The following NOP14 variants were observed in gnomAD, a reference collection of about 807,000 sequenced individuals.
NOP14 encodes the protein nucleolar protein 14.
NOP14 carries 57 observed loss-of-function variants against 101.6 expected under a neutral mutation model. That is an observed-to-expected ratio of 0.56 (90% CI 0.45 to 0.70). NOP14 has a LOEUF of 0.70. Among genes scored for constraint, NOP14 ranks in the 30% least tolerant of loss-of-function variants. NOP14 has a pLI of 0.00. For synonymous variants in NOP14, 428 were observed against 424.0 expected (o/e 1.01, Z -0.12); for missense variants, 1,134 against 1,075.5 (o/e 1.05, Z -0.76).
intron 1 of NOP14, among the ~76,000 whole-genome samples, chr4:2,959,878 C>T (rs993757355): frequency 4.6e-5 from 7 of 152,164 alleles, no homozygotes; most frequent in Non-Finnish European, 8.8e-5. Flanking sequence ...CAAGGTCTAG[C>T]TGGCAATCAG....
rs1403739647 is a variant in NOP14 at position 2,938,558 on chromosome 4, G to A, written c.*273C>T. The A allele has an allele frequency of 8.4e-6, 4 of 476,034 alleles. No individual in the cohort carries two copies. The highest frequency in any genetic ancestry group is 3.6e-5 in the Admixed American group (1 of 27,694). 29.5% of individuals were successfully genotyped at this position (476,034 alleles called of 1,614,324 possible). A position where few individuals can be genotyped will look rare whatever the true frequency, so the allele number is the denominator to read the frequency against. On this transcript the variant is annotated 3_prime_UTR_variant, in exon 18 of 18. Coordinates refer to ENST00000416614, the MANE Select transcript of NOP14 (RefSeq NM_001291978.2). ...CAGTCTTGCACTGTGGCCGAGGCTG[G>A]AGTGCAGTGGCTCAATCACGGCTCA...
intron 1 of NOP14, among the ~76,000 whole-genome samples, chr4:2,959,729 C>G (rs570095968): frequency 1.3e-5 from 2 of 152,322 alleles, no homozygotes; most frequent in South Asian, 4.1e-4. Flanking sequence ...GCTTCTGTTA[C>G]GAGCCATTCC....
chr4:2,944,169 G>GGAACAGGCAGCACAC lies in NOP14; in HGVS notation c.1780_1794dup (p.Val594_Phe598dup), dbSNP rs1395304873. The GGAACAGGCAGCACAC allele has an allele frequency of 5.0e-6, 8 of 1,614,104 alleles. No individual in the cohort carries two copies. Among genetic ancestry groups the GGAACAGGCAGCACAC allele is most frequent in the Non-Finnish European group, 5.9e-6 (7 of 1,179,982 alleles). On this transcript the variant is annotated inframe_insertion, in exon 13 of 18. Transcript: ENST00000416614. ...CTCTGGGACAAAGCCACATACTCCA[G>GGAACAGGCAGCACAC]GAACAGGCAGCACACGAACAGGCCC...
chr4:2,946,384 G>C, intron 11 of NOP14, 28 bp downstream of exon 11: 1 of 1,612,596 alleles, frequency 6.2e-7, no homozygotes, highest in Non-Finnish European at 8.5e-7. Context: ...CTGTGGCAGG[G>C]GCAGTGCCTA....
At chr4:2,952,671 G>T (rs2109307625) in intron 5 of NOP14, among the ~76,000 whole-genome samples, 1 of 152,374 alleles carries the variant, frequency 6.6e-6, no homozygotes, top group East Asian at 1.9e-4. Flanking sequence ...GCCAGGTGCA[G>T]TGGCTCACGC....
chr4:2,940,073 G>A (rs1714038221), intron 15 of NOP14, among the ~76,000 whole-genome samples: 1 of 152,248 alleles, frequency 6.6e-6, no homozygotes, highest in Non-Finnish European at 1.5e-5. Flanking sequence ...TGCCGCGGGG[G>A]GCCGTGTGCA....
intron 11 of NOP14, 85 bp from the exon 12 acceptor site, chr4:2,945,314 A>C: frequency 9.8e-7 from 1 of 1,020,004 alleles, no homozygotes; most frequent in Non-Finnish European, 1.5e-6. Context: ...GGAGCCAAGA[A>C]CAGGATCTGG....
At chr4:2,939,145 T>C in intron 17 of NOP14, 43 bp downstream of exon 17, 8 of 1,611,450 alleles carry the variant, frequency 5.0e-6, no homozygotes, top group Non-Finnish European at 6.8e-6. Context: ...GCACCAAAGC[T>C]GAGTGACACC....
intron 1 of NOP14, among the ~76,000 whole-genome samples, chr4:2,959,699 G>A (rs1274550550): frequency 1.3e-5 from 2 of 152,164 alleles, no homozygotes; most frequent in African/African-American, 2.4e-5. Context: ...GGGCTCCATC[G>A]CCATTGCTCT....
At chr4:2,944,804 C>T (rs955219960) in intron 12 of NOP14, among the ~76,000 whole-genome samples, 2 of 152,212 alleles carry the variant, frequency 1.3e-5, no homozygotes, top group African/African-American at 4.8e-5. Flanking sequence ...GAAAAAGGAA[C>T]AGCTTGAACT....
chr4:2,955,389 A>C (rs376977898), intron 3 of NOP14, among the ~76,000 whole-genome samples: 2 of 94,826 alleles, frequency 2.1e-5, no homozygotes, highest in East Asian at 6.9e-4. Flanking sequence ...CCCTCTAGTC[A>C]CCTGCACGCC....
At chr4:2,954,348 GA>G (rs888887540) in intron 4 of NOP14, 75 bp downstream of exon 4, 53 of 1,524,240 alleles carry the variant, frequency 3.5e-5, no homozygotes, top group Admixed American at 7.9e-5. Flanking sequence ...AAAGGTACAG[GA>G]AAAAAAAGCT....
intron 14 of NOP14, 21 bp from the exon 15 acceptor site, chr4:2,941,750 A>C (rs1577819894): frequency 1.1e-5 from 18 of 1,608,036 alleles, no homozygotes; most frequent in Non-Finnish European, 1.5e-5. Flanking sequence ...AGGAGGCAAG[A>C]GGAGGTCCAA....
At chr4:2,961,988 T>C (rs1371052518) in intron 1 of NOP14, among the ~76,000 whole-genome samples, 1 of 152,162 alleles carries the variant, frequency 6.6e-6, no homozygotes, top group Non-Finnish European at 1.5e-5. Flanking sequence ...GCTGGCCCTT[T>C]AGAGACTTTC....
intron 1 of NOP14, 43 bp downstream of exon 1, chr4:2,963,082 G>GTCCAGATCCTGCCT: frequency 6.7e-7 from 1 of 1,491,218 alleles, no homozygotes; most frequent in Non-Finnish European, 8.9e-7. Flanking sequence ...GCAGCGTGGG[G>GTCCAGATCCTGCCT]TCCAGATCCT....
chr4:2,951,025 A>C (rs1483444153), intron 7 of NOP14, 89 bp downstream of exon 7: 1 of 1,214,464 alleles, frequency 8.2e-7, no homozygotes, highest in African/African-American at 1.5e-5. Context: ...AAAATTCCCA[A>C]CTGTAATAAA....
In NOP14 at chr4:2,963,305, C is replaced by T. The variant is rs564979750; in HGVS notation, c.15G>A (p.Lys5=). 1.7e-5 allele frequency: 27 copies of T among 1,585,490 alleles called. No individual in the cohort carries two copies. The South Asian group carries it at 1.9e-4, about 11-fold the overall frequency. The change falls in exon 1 of 18, where the codon AAG becomes AAA. Residue 5 remains lysine (K), a synonymous_variant. Transcript: ENST00000416614. The part of the protein sequence containing the change: MAKA[K]KVGARRKASG... ...AGGCCTTCCTTCGCGCCCCGACCTTCTTCGCCTTCGCCATGGCGCGCGCCC... is the reference window on the plus strand; with the variant it reads ...AGGCCTTCCTTCGCGCCCCGACCTTTTTCGCCTTCGCCATGGCGCGCGCCC...
At chr4:2,939,123 C>T in intron 17 of NOP14, 65 bp downstream of exon 17, 3 of 1,600,672 alleles carry the variant, frequency 1.9e-6, no homozygotes, top group Non-Finnish European at 1.7e-6. Context: ...GTGCTCTGCC[C>T]AGGGCCACAC....
chr4:2,962,526 A>G (rs1314866371), intron 1 of NOP14, among the ~76,000 whole-genome samples: 2 of 152,144 alleles, frequency 1.3e-5, no homozygotes, highest in Non-Finnish European at 2.9e-5. Context: ...CGGGGTAGCA[A>G]GAAGGCTTTG....
Sources: allele counts gnomAD v4.1 joint callset (sites outside exome capture counted in the v4.1 genomes callset), GRCh38; gene constraint gnomAD v4.1.1; transcripts MANE v1.5; gene names NCBI Gene and HGNC (gene_info 2026-07-23, HGNC 2026-07-21).